Variants in SPATA3 observed in about 807,000 individuals in gnomAD.
SPATA3 encodes the protein spermatogenesis associated 3.
Under a neutral mutation model 5.7 loss-of-function variants are expected in SPATA3, and 6 were observed. The ratio of observed to expected loss-of-function variants is 1.06; its 90% CI spans 0.58 to 2.09. The LOEUF is 2.09. SPATA3 is among the 30% of genes most tolerant of loss of function. The pLI is 0.00. For synonymous variants in SPATA3, 44 were observed against 48.4 expected (o/e 0.91, Z 0.37); for missense variants, 155 against 130.4 (o/e 1.19, Z -0.92).
At position 231,015,257 on chromosome 2, in the gene SPATA3, CTTTTTTT is replaced by C. The variant is rs35102459; in HGVS notation, c.*565+1061_*565+1067del. On this transcript the variant is annotated intron_variant, in intron 6 of 8. Transcript: ENST00000452881. ...CACACCCAGCTAACTATCGTTTTGG[CTTTTTTT>C]TTTTTTTTTTTTTTTGGTAGAAACA... Among the ~76,000 whole-genome samples the C allele has an allele frequency of 5.2e-4, 49 of 94,116 alleles. 1 individual carries two copies. Among genetic ancestry groups the C allele is most frequent in the East Asian group, 5.4e-4 (2 of 3,702 alleles). The allele number at this position is 94,116 out of a possible 152,430, so 61.7% of individuals were successfully genotyped here.
chr2:230,996,570 C>T lies in SPATA3; in HGVS notation c.791-3796C>T, dbSNP rs1341833720. Reference sequence around the variant, plus strand: ...TTCTAGCTTCAGCAGTTCCAGCCTTCCTGCTGATGGAGTTCTGGGTCATCC... The same window carrying T: ...TTCTAGCTTCAGCAGTTCCAGCCTTTCTGCTGATGGAGTTCTGGGTCATCC... On this transcript the variant is annotated intron_variant, in intron 1 of 2. Coordinates refer to ENST00000645363, the Ensembl canonical transcript of SPATA3. 1.4e-5 allele frequency: 21 copies of T among 1,543,352 alleles called. No homozygotes were observed. The South Asian group carries it at 2.4e-4, about 18-fold the overall frequency.
intron 6 of SPATA3, among the ~76,000 whole-genome samples, chr2:231,017,425 T>C (rs1339956807): frequency 6.6e-6 from 1 of 152,202 alleles, no homozygotes; most frequent in East Asian, 1.9e-4. Flanking sequence ...CACAAGCCTG[T>C]GAATTTCCCA....
exon 2 of SPATA3, chr2:231,000,449 T>C (rs1467145834): frequency 4.5e-6 from 7 of 1,549,922 alleles, no homozygotes; most frequent in Non-Finnish European, 4.4e-6. Flanking sequence ...TCTGGGGCTA[T>C]GCCATAGCCG....
At chr2:230,996,587 G>A (rs1692132079) in intron 1 of SPATA3, 53 bp downstream of exon 1, 1 of 1,531,744 alleles carries the variant, frequency 6.5e-7, no homozygotes, top group Non-Finnish European at 8.8e-7. Flanking sequence ...ATGGAGTTCT[G>A]GGTCATCCCA....
At chr2:230,999,236 G>C (rs970476837) in intron 1 of SPATA3, among the ~76,000 whole-genome samples, 5 of 152,170 alleles carry the variant, frequency 3.3e-5, no homozygotes, top group African/African-American at 1.2e-4. Flanking sequence ...GGGGGAAATG[G>C]GAGAGTGGGG....
chr2:231,020,027 A>AAC (rs1693037858), intron 7 of SPATA3: 1 of 144,224 alleles, frequency 6.9e-6, no homozygotes, highest in Non-Finnish European at 1.5e-5. Context: ...AAAAAAAAAA[A>AAC]AACAGTTACC....
At chr2:231,014,733 A>G (rs1692883742) in intron 6 of SPATA3, among the ~76,000 whole-genome samples, 2 of 152,088 alleles carry the variant, frequency 1.3e-5, no homozygotes, top group South Asian at 2.1e-4. Context: ...GAGCACTGGG[A>G]GGACTGTGTG....
chr2:231,019,461 C>G (rs575128879), intron 6 of SPATA3, among the ~76,000 whole-genome samples: 3 of 149,062 alleles, frequency 2.0e-5, no homozygotes, highest in Non-Finnish European at 3.0e-5. Context: ...GTAGCTGGGA[C>G]TACAGGCACC....
At chr2:231,013,990 TG>T (rs966704281) in exon 6 of SPATA3, 7 of 151,988 alleles carry the variant, frequency 4.6e-5, no homozygotes, top group African/African-American at 1.7e-4. Flanking sequence ...GGTGTCCTAT[TG>T]TCAGGGACAT....
intron 6 of SPATA3, among the ~76,000 whole-genome samples, chr2:231,016,408 C>T (rs774438598): frequency 6.1e-5 from 9 of 148,572 alleles, no homozygotes; most frequent in Non-Finnish European, 1.2e-4. Context: ...TAGGTCCTGG[C>T]GGGGCATGGT....
intron 6 of SPATA3, among the ~76,000 whole-genome samples, chr2:231,019,263 C>A (rs765291886): frequency 6.6e-6 from 1 of 151,462 alleles, no homozygotes; most frequent in Non-Finnish European, 1.5e-5. Flanking sequence ...GCCACCGTGC[C>A]AGGCCTCGAT....
chr2:231,013,189 C>T (rs1411286555), intron 5 of SPATA3, among the ~76,000 whole-genome samples: 1 of 152,120 alleles, frequency 6.6e-6, no homozygotes, highest in Non-Finnish European at 1.5e-5. Flanking sequence ...TACCAGCGCC[C>T]TCTTGAGTAT....
intron 6 of SPATA3, among the ~76,000 whole-genome samples, chr2:231,018,767 C>G (rs191429408): frequency 3.8e-4 from 57 of 151,434 alleles, no homozygotes; most frequent in African/African-American, 1.3e-3. Flanking sequence ...CTCACTGCAA[C>G]CTCCACTTCC....
At chr2:231,005,935 A>AG (rs1298108423), downstream of SPATA3, among the ~76,000 whole-genome samples, 1 of 149,804 alleles carries the variant, frequency 6.7e-6, no homozygotes, top group Non-Finnish European at 1.5e-5. Context: ...AGGCCCAGGC[A>AG]GGGGGATAAC....
chr2:230,996,400 A>G, intron 1 of SPATA3: 1 of 1,551,804 alleles, frequency 6.4e-7, no homozygotes, highest in Non-Finnish European at 8.7e-7. Flanking sequence ...TCCACACCAC[A>G]GCATTCCAGC....
chr2:230,998,071 G>A (rs1276077941), intron 1 of SPATA3, among the ~76,000 whole-genome samples: 1 of 152,034 alleles, frequency 6.6e-6, no homozygotes, highest in African/African-American at 2.4e-5. Flanking sequence ...AGAGGCCTAG[G>A]AGTCTCCACA....
chr2:231,010,612 T>C (rs1005739507), downstream of SPATA3, among the ~76,000 whole-genome samples: 2 of 152,188 alleles, frequency 1.3e-5, no homozygotes, highest in Non-Finnish European at 2.9e-5. Context: ...TTTGTATGGC[T>C]AGCCTTGGGG....
intron 6 of SPATA3, among the ~76,000 whole-genome samples, chr2:231,014,453 C>G (rs1284225995): frequency 6.6e-6 from 1 of 152,200 alleles, no homozygotes; most frequent in Non-Finnish European, 1.5e-5. Flanking sequence ...TTGCTATGCA[C>G]TGCGACTCAC....
downstream of SPATA3, among the ~76,000 whole-genome samples, chr2:231,010,649 A>G (rs13423640): frequency 0.37 from 56,546 of 151,874 alleles, 10,787 homozygotes; most frequent in Non-Finnish European, 0.4. Context: ...ATAGGAGGGC[A>G]GGAGAAGATC....
Sources: gnomAD v4.1 joint callset for allele counts (sites outside exome capture counted in the v4.1 genomes callset) on GRCh38, gnomAD v4.1.1 for gene constraint, MANE v1.5 for transcripts, NCBI Gene and HGNC (gene_info 2026-07-23, HGNC 2026-07-21) for gene names.